Variants in CSMD1 observed in about 807,000 individuals in gnomAD.
CSMD1 encodes the protein CUB and sushi domain-containing protein 1.
Under a neutral mutation model 417.5 loss-of-function variants are expected in CSMD1, and 213 were observed. The observed-to-expected ratio is 0.51, with a 90% CI of 0.46 to 0.57. The LOEUF (loss-of-function observed/expected upper bound fraction) is 0.57, where lower values mean the gene tolerates loss of function less well. Ranked by LOEUF, CSMD1 falls within the 20% of genes least tolerant of loss-of-function variation. The probability of loss-of-function intolerance (pLI) is 0.00; values close to 1 mark genes in which losing one functional copy is unlikely to be tolerated. For missense variants in CSMD1, 6,923 were observed against 4,529.7 expected (o/e 1.53, Z -15.17); for synonymous variants, 2,862 against 1,736.8 (o/e 1.65, Z -16.11).
At chr8:4,305,918 C>G (rs1173844901) in intron 3 of CSMD1, among the ~76,000 whole-genome samples, 1 of 152,120 alleles carries the variant, frequency 6.6e-6, no homozygotes. Flanking sequence ...GTTTACCATT[C>G]TATAACCTTT....
At chr8:3,625,639 A>G (rs542700712) in intron 7 of CSMD1, among the ~76,000 whole-genome samples, 1 of 152,170 alleles carries the variant, frequency 6.6e-6, no homozygotes, top group Non-Finnish European at 1.5e-5. Context: ...CCTAAAATAT[A>G]TAAATGATAC....
At chr8:2,978,217 A>C (rs959730624) in intron 55 of CSMD1, among the ~76,000 whole-genome samples, 1 of 152,306 alleles carries the variant, frequency 6.6e-6, no homozygotes. Context: ...ACACCAGAGC[A>C]CTTCGCCCAC....
intron 3 of CSMD1, among the ~76,000 whole-genome samples, chr8:4,159,774 G>C (rs544954209): frequency 3.9e-5 from 6 of 152,166 alleles, no homozygotes; most frequent in African/African-American, 9.7e-5. Context: ...ATTTTTAGTA[G>C]AGATGGGGTT....
chr8:3,466,619 G>C (rs1453924019), intron 12 of CSMD1, among the ~76,000 whole-genome samples: 1 of 147,674 alleles, frequency 6.8e-6, no homozygotes, highest in Non-Finnish European at 1.5e-5. Flanking sequence ...GGAGAGATAG[G>C]GGTTTCACCA....
chr8:4,093,588 A>G (rs1466752791), intron 3 of CSMD1, among the ~76,000 whole-genome samples: 2 of 152,192 alleles, frequency 1.3e-5, no homozygotes, highest in African/African-American at 2.4e-5. Context: ...GTGGCAGAAT[A>G]TCGGTATGCT....
intron 5 of CSMD1, among the ~76,000 whole-genome samples, chr8:3,868,576 T>A (rs1206972689): frequency 4.6e-5 from 7 of 152,064 alleles, no homozygotes; most frequent in Admixed American, 4.6e-4. Flanking sequence ...GATTTGAGGG[T>A]CCAGCAGCCC....
chr8:4,539,497 A>C (rs1464977), intron 2 of CSMD1, among the ~76,000 whole-genome samples: 71,593 of 151,950 alleles, frequency 0.47, 18,274 homozygotes, highest in East Asian at 0.62. Flanking sequence ...TCTTTCCCCC[A>C]AAATCCTCTA....
chr8:3,351,268 A>G (rs1336039065), intron 21 of CSMD1, among the ~76,000 whole-genome samples: 1 of 152,136 alleles, frequency 6.6e-6, no homozygotes, highest in Non-Finnish European at 1.5e-5. Flanking sequence ...GATTCAAAAG[A>G]TAGTCTTTCA....
At chr8:3,968,673 G>C (rs1479432468) in intron 5 of CSMD1, among the ~76,000 whole-genome samples, 3 of 152,112 alleles carry the variant, frequency 2.0e-5, no homozygotes, top group East Asian at 1.9e-4. Flanking sequence ...AAAGCTGATA[G>C]TGTTAGTCAT....
At chr8:4,019,670 T>A (rs1796693696) in intron 4 of CSMD1, among the ~76,000 whole-genome samples, 1 of 152,160 alleles carries the variant, frequency 6.6e-6, no homozygotes, top group South Asian at 2.1e-4. Flanking sequence ...AAGTGGCAGT[T>A]GTCTGAGATA....
In CSMD1 at chr8:4,799,667, G is replaced by C. The variant is rs964227871; in HGVS notation, c.86-162109C>G. Reference sequence around the variant, plus strand: ...ACTCACACAAGTATCTGAAAAATTGGGACTTTATTTTCACTGCTTTGGAGA... The same window carrying C: ...ACTCACACAAGTATCTGAAAAATTGCGACTTTATTTTCACTGCTTTGGAGA... On this transcript the variant is annotated intron_variant, in intron 1 of 69. Transcript: ENST00000635120. 2.1e-5 allele frequency among the ~76,000 whole-genome samples: 3 copies of C among 144,060 alleles called. No individual in the cohort carries two copies. The East Asian group carries it at 6.1e-4, about 29-fold the overall frequency. The allele number at this position is 144,060 out of a possible 152,430, so 94.5% of individuals were successfully genotyped here.
intron 1 of CSMD1, among the ~76,000 whole-genome samples, chr8:4,827,949 G>C (rs1377623459): frequency 6.6e-6 from 1 of 152,134 alleles, no homozygotes; most frequent in African/African-American, 2.4e-5. Context: ...AGTTTCAAAA[G>C]TATGCTGACT....
chr8:4,018,782 G>T (rs545705795), intron 4 of CSMD1, among the ~76,000 whole-genome samples: 14 of 152,208 alleles, frequency 9.2e-5, no homozygotes, highest in Non-Finnish European at 1.9e-4. Context: ...TGTAGCCAAA[G>T]TGTCCAGGGT....
At chr8:3,661,286 C>T (rs553358736) in intron 7 of CSMD1, among the ~76,000 whole-genome samples, 14 of 152,282 alleles carry the variant, frequency 9.2e-5, no homozygotes, top group South Asian at 4.1e-4. Flanking sequence ...CATTTATACC[C>T]TGCTGAGCGT....
intron 22 of CSMD1, among the ~76,000 whole-genome samples, chr8:3,347,694 C>T (rs1178228078): frequency 2.0e-5 from 3 of 152,104 alleles, no homozygotes; most frequent in Admixed American, 6.5e-5. Context: ...GGTACAATTG[C>T]ATTTTGTTAC....
intron 6 of CSMD1, among the ~76,000 whole-genome samples, chr8:3,736,488 T>C (rs1469520336): frequency 1.3e-5 from 2 of 152,150 alleles, no homozygotes; most frequent in Non-Finnish European, 2.9e-5. Flanking sequence ...GAAGTGATCC[T>C]CCCTCCTCAG....
At chr8:4,626,188 T>C (rs534217176) in intron 2 of CSMD1, among the ~76,000 whole-genome samples, 5 of 152,286 alleles carry the variant, frequency 3.3e-5, no homozygotes, top group South Asian at 2.1e-4. Flanking sequence ...AGGTTTTCTT[T>C]AGCTCAGTTT....
intron 1 of CSMD1, among the ~76,000 whole-genome samples, chr8:4,658,869 C>A (rs759718360): frequency 4.6e-5 from 7 of 152,028 alleles, no homozygotes; most frequent in Admixed American, 6.6e-5. Context: ...GGTTGGGAGT[C>A]TAGAGCTATA....
intron 2 of CSMD1, among the ~76,000 whole-genome samples, chr8:4,500,211 G>T (rs1042673217): frequency 6.6e-6 from 1 of 152,162 alleles, no homozygotes; most frequent in Non-Finnish European, 1.5e-5. Flanking sequence ...GAACTCCAGG[G>T]AGAGGTTGGC....
Sources: gnomAD v4.1 joint callset for allele counts (sites outside exome capture counted in the v4.1 genomes callset) on GRCh38, gnomAD v4.1.1 for gene constraint, MANE v1.5 for transcripts, NCBI Gene and HGNC (gene_info 2026-07-23, HGNC 2026-07-21) for gene names.